CCNY: variants seen among roughly 807,000 people sequenced by gnomAD.
CCNY encodes cyclin Y, also known as cyclin-Y.
CCNY carries 19 observed loss-of-function variants against 42.8 expected under a neutral mutation model. That is an observed-to-expected ratio of 0.44 (90% CI 0.31 to 0.65). The LOEUF is 0.65. Ranked by LOEUF, CCNY falls within the 30% of genes least tolerant of loss-of-function variation. The pLI, the probability that CCNY is intolerant of heterozygous loss-of-function variation, is 0.07. For synonymous variants in CCNY, 165 were observed against 162.7 expected (o/e 1.01, Z -0.11); for missense variants, 370 against 437.3 (o/e 0.85, Z 1.37).
chr10:35,554,561 G>A (rs890162004), intron 8 of CCNY, among the ~76,000 whole-genome samples: 1 of 152,048 alleles, frequency 6.6e-6, no homozygotes, highest in Non-Finnish European at 1.5e-5. Flanking sequence ...TCTTTATTGG[G>A]GATTATCTTT....
rs111883432 is a variant in CCNY at position 35,290,754 on chromosome 10, G to C, written c.-9+40128G>C. On this transcript the variant is annotated intron_variant, in intron 3 of 11. Coordinates refer to the CCNY transcript ENST00000374706. ...AGGTGGGAGGATTGCTTGAGGTCAG[G>C]AGTTCGAAACCAGCATGGGCAACAT... Among the ~76,000 whole-genome samples, 841 of 151,986 alleles carry C rather than the reference G, an allele frequency of 5.5e-3. 2 individuals are homozygous for C. Among genetic ancestry groups the C allele is most frequent in the African/African-American group, 0.016 (645 of 41,440 alleles).
intron 2 of CCNY, among the ~76,000 whole-genome samples, chr10:35,495,150 CTG>C (rs1491303073): frequency 3.9e-5 from 6 of 152,122 alleles, no homozygotes; most frequent in African/African-American, 1.2e-4. Context: ...TAAGGATACT[CTG>C]TGTGTGTGTA....
intron 3 of CCNY, among the ~76,000 whole-genome samples, chr10:35,288,608 A>T (rs1015614065): frequency 1.3e-5 from 2 of 152,102 alleles, no homozygotes; most frequent in Non-Finnish European, 2.9e-5. Flanking sequence ...TACTTTTAGC[A>T]CTTACATTTA....
intron 3 of CCNY, among the ~76,000 whole-genome samples, chr10:35,306,974 A>AGTG: frequency 7.7e-6 from 1 of 129,942 alleles, no homozygotes; most frequent in South Asian, 2.4e-4. Flanking sequence ...GGGAATCAGT[A>AGTG]AGTTCTCTCC....
At chr10:35,352,620 A>G (rs1836452788) in intron 1 of CCNY, among the ~76,000 whole-genome samples, 1 of 152,226 alleles carries the variant, frequency 6.6e-6, no homozygotes, top group African/African-American at 2.4e-5. Context: ...TCCCTGCTGG[A>G]TGCTGGGAAT....
intron 1 of CCNY, among the ~76,000 whole-genome samples, chr10:35,403,262 T>C (rs541226942): frequency 6.6e-6 from 1 of 152,224 alleles, no homozygotes; most frequent in African/African-American, 2.4e-5. Context: ...GGCTAGTGGC[T>C]TGTAACCTAC....
At chr10:35,408,268 C>T (rs1048270228) in intron 1 of CCNY, among the ~76,000 whole-genome samples, 4 of 152,144 alleles carry the variant, frequency 2.6e-5, no homozygotes, top group Admixed American at 2.0e-4. Flanking sequence ...GAAGGAGTCC[C>T]GCTGACCTGG....
At chr10:35,382,894 C>T (rs1480964567) in intron 1 of CCNY, among the ~76,000 whole-genome samples, 1 of 152,044 alleles carries the variant, frequency 6.6e-6, no homozygotes, top group African/African-American at 2.4e-5. Context: ...AAAAAACAAA[C>T]AAACAAACTG....
At chr10:35,524,107 A>AC (rs1840602343) in intron 4 of CCNY, among the ~76,000 whole-genome samples, 1 of 152,254 alleles carries the variant, frequency 6.6e-6, no homozygotes, top group Non-Finnish European at 1.5e-5. Flanking sequence ...ACAGAAGGGC[A>AC]CACAGCCTTA....
Position 35,556,284 on chromosome 10 carries a change from C to T in CCNY, c.746+3099C>T, listed in dbSNP as rs368800228. On this transcript the variant is annotated intron_variant, in intron 8 of 9. Coordinates refer to ENST00000374704, the MANE Select transcript of CCNY (RefSeq NM_145012.6). ...TGGAGTGCCACCTTTTTCCACTGCC[C>T]TCTGTCAGGCTGGAGAGCAGATCAT... Among the ~76,000 whole-genome samples the T allele has an allele frequency of 4.4e-4, 67 of 152,258 alleles. No individual in the cohort carries two copies. In the South Asian group the frequency reaches 0.013, roughly 29 times the overall value.
intron 1 of CCNY, among the ~76,000 whole-genome samples, chr10:35,355,062 C>T (rs1836515180): frequency 6.6e-6 from 1 of 152,040 alleles, no homozygotes. Flanking sequence ...TTTCCTTTGC[C>T]CCACTAGTGG....
At chr10:35,289,878 C>CAAAAA (rs35388058) in intron 3 of CCNY, among the ~76,000 whole-genome samples, 1 of 85,600 alleles carries the variant, frequency 1.2e-5, no homozygotes, top group Admixed American at 1.2e-4. Flanking sequence ...GACTCTGTCT[C>CAAAAA]AAAAAAAAAA....
At chr10:35,415,915 A>G (rs1406173072) in intron 1 of CCNY, among the ~76,000 whole-genome samples, 1 of 152,370 alleles carries the variant, frequency 6.6e-6, no homozygotes, top group South Asian at 2.1e-4. Context: ...TTTTATAGAT[A>G]AAAACCAATG....
chr10:35,368,239 G>T (rs932458793), intron 1 of CCNY, among the ~76,000 whole-genome samples: 2 of 152,142 alleles, frequency 1.3e-5, no homozygotes, highest in Admixed American at 1.3e-4. Context: ...GGTGAGTCTT[G>T]TTCAGTTTTC....
At chr10:35,482,884 C>G (rs992164609) in intron 1 of CCNY, among the ~76,000 whole-genome samples, 2 of 151,732 alleles carry the variant, frequency 1.3e-5, no homozygotes, top group Non-Finnish European at 2.9e-5. Flanking sequence ...ATGTCTGGGG[C>G]CCAGATTAGG....
intron 2 of CCNY, among the ~76,000 whole-genome samples, chr10:35,496,602 A>G (rs1840008986): frequency 6.6e-6 from 1 of 152,128 alleles, no homozygotes; most frequent in African/African-American, 2.4e-5. Flanking sequence ...GGGTGCTGAG[A>G]CAGGAGGATT....
At chr10:35,263,705 C>T (rs1293368449) in intron 3 of CCNY, among the ~76,000 whole-genome samples, 3 of 151,790 alleles carry the variant, frequency 2.0e-5, no homozygotes, top group Non-Finnish European at 4.4e-5. Flanking sequence ...TTTTAAGTTC[C>T]GGGATACATG....
rs1839381671 is a variant in CCNY, at chr10:35,471,031, G to A, written c.155-12373G>A. On this transcript the variant is annotated intron_variant, in intron 1 of 9. Transcript: ENST00000374704. Reference sequence around the variant, plus strand: ...AGGAAATAGAACTAGTGATGTCTTCGGAGGGTAACTGTGGGGCTGTACCAC... The same window carrying A: ...AGGAAATAGAACTAGTGATGTCTTCAGAGGGTAACTGTGGGGCTGTACCAC... Among the ~76,000 whole-genome samples, 3 of 152,070 alleles carry A rather than the reference G, an allele frequency of 2.0e-5. 1 individual carries two copies. In the South Asian group the frequency reaches 6.2e-4, roughly 32 times the overall value.
chr10:35,569,017 G>A, intron 9 of CCNY, 37 bp from the exon 10 acceptor site: 1 of 1,391,090 alleles, frequency 7.2e-7, no homozygotes. Context: ...CGCAGATATG[G>A]CCCGCCCTGA....
Sources: allele counts gnomAD v4.1 joint callset (sites outside exome capture counted in the v4.1 genomes callset), GRCh38; gene constraint gnomAD v4.1.1; transcripts MANE v1.5; gene names NCBI Gene and HGNC (gene_info 2026-07-23, HGNC 2026-07-21).